The following SLX4IP variants were observed in gnomAD, a reference collection of about 807,000 sequenced individuals.
The protein encoded by SLX4IP is protein SLX4IP.
Under a neutral mutation model 32.9 loss-of-function variants are expected in SLX4IP, and 34 were observed. The ratio of observed to expected loss-of-function variants is 1.03; its 90% CI spans 0.79 to 1.38. The LOEUF (loss-of-function observed/expected upper bound fraction) is 1.38, where lower values mean the gene tolerates loss of function less well. Ranked by LOEUF, SLX4IP falls within the 40% of genes most tolerant of loss-of-function variation. The pLI, the probability that SLX4IP is intolerant of heterozygous loss-of-function variation, is 0.00. For synonymous variants in SLX4IP, 172 were observed against 171.7 expected, an observed-to-expected ratio of 1.00 and a Z score of -0.01; for missense variants, 444 against 479.0, an observed-to-expected ratio of 0.93 and a Z score of 0.68.
chr20:10,610,411 G>A (rs1433912076), intron 6 of SLX4IP, among the ~76,000 whole-genome samples: 1 of 152,212 alleles, frequency 6.6e-6, no homozygotes, highest in Non-Finnish European at 1.5e-5. Flanking sequence ...TCCCCTTAGA[G>A]ACCCGCCCTT....
chr20:10,516,702 G>A (rs1358574806), intron 2 of SLX4IP, among the ~76,000 whole-genome samples: 2 of 152,180 alleles, frequency 1.3e-5, no homozygotes, highest in Non-Finnish European at 2.9e-5. Flanking sequence ...TAATAAGTTT[G>A]CTGCTGTGAT....
chr20:10,558,315 A>G (rs2066289836), intron 3 of SLX4IP, among the ~76,000 whole-genome samples: 1 of 143,272 alleles, frequency 7.0e-6, no homozygotes, highest in South Asian at 2.4e-4. Flanking sequence ...GAACTCCACC[A>G]TGGGTGGCAG....
rs573845781 is a variant in SLX4IP at position 10,552,996 on chromosome 20, C to T, written c.28-3235C>T. Among the ~76,000 whole-genome samples the T allele has an allele frequency of 3.9e-5, 6 of 152,164 alleles. No individual in the cohort carries two copies. In the East Asian group the frequency reaches 7.7e-4, roughly 20 times the overall value. On this transcript the variant is annotated intron_variant, in intron 2 of 7. Transcript: ENST00000334534. ...TAAAATGTGTTGAGACATGTTTTAC[C>T]GCTTTGGAAGGGCTTTTATTCCAGA...
intron 2 of SLX4IP, among the ~76,000 whole-genome samples, chr20:10,526,625 C>T (rs899420214): frequency 1.3e-5 from 2 of 152,168 alleles, no homozygotes; most frequent in Non-Finnish European, 2.9e-5. Context: ...CAACAGAAAT[C>T]TATTCTCTCC....
chr20:10,457,443 G>T (rs1334384094), intron 1 of SLX4IP, among the ~76,000 whole-genome samples: 26 of 140,960 alleles, frequency 1.8e-4, no homozygotes, highest in Admixed American at 2.8e-4. Context: ...AGCATTTTGG[G>T]TTTTTTTTTT....
chr20:10,510,036 G>C (rs1056079076), intron 2 of SLX4IP, among the ~76,000 whole-genome samples: 1 of 152,074 alleles, frequency 6.6e-6, no homozygotes. Context: ...AACATTCTGT[G>C]TACAGAATTT....
chr20:10,450,943 G>A (rs1306283279), intron 1 of SLX4IP, among the ~76,000 whole-genome samples: 2 of 151,966 alleles, frequency 1.3e-5, no homozygotes, highest in African/African-American at 2.4e-5. Flanking sequence ...TAGTAGAGAC[G>A]GGGTTTCACC....
At chr20:10,436,348 A>T (rs183967664) in intron 1 of SLX4IP, among the ~76,000 whole-genome samples, 9 of 140,472 alleles carry the variant, frequency 6.4e-5, no homozygotes, top group Non-Finnish European at 1.3e-4. Flanking sequence ...CTAAAGATAC[A>T]GCCCTTTCTT....
chr20:10,498,633 T>C (rs1425424192), intron 2 of SLX4IP, among the ~76,000 whole-genome samples: 1 of 152,150 alleles, frequency 6.6e-6, no homozygotes, highest in Non-Finnish European at 1.5e-5. Flanking sequence ...CTGTATCATC[T>C]TGATGGGAGG....
At chr20:10,509,903 CCA>C (rs2065791643) in intron 2 of SLX4IP, among the ~76,000 whole-genome samples, 1 of 152,072 alleles carries the variant, frequency 6.6e-6, no homozygotes, top group African/African-American at 2.4e-5. Flanking sequence ...GCTTTGCTGC[CCA>C]GGCTGGCCTC....
At chr20:10,621,534 T>C in intron 7 of SLX4IP, 120 bp downstream of exon 7, 1 of 796,646 alleles carries the variant, frequency 1.3e-6, no homozygotes, top group Admixed American at 2.1e-5. Context: ...CTCCGTCACG[T>C]ACTTACTCTC....
chr20:10,463,809 T>C (rs2065358060), intron 2 of SLX4IP, among the ~76,000 whole-genome samples: 1 of 152,128 alleles, frequency 6.6e-6, no homozygotes, highest in Non-Finnish European at 1.5e-5. Context: ...AGAGATGGGG[T>C]CTTGCCCTGT....
intron 2 of SLX4IP, among the ~76,000 whole-genome samples, chr20:10,549,607 C>T (rs943119306): frequency 1.3e-5 from 2 of 152,322 alleles, no homozygotes; most frequent in East Asian, 3.9e-4. Flanking sequence ...AGTAGCCTTC[C>T]ACAGGGGTTA....
intron 4 of SLX4IP, among the ~76,000 whole-genome samples, chr20:10,568,181 C>T (rs1398511039): frequency 2.0e-5 from 3 of 152,210 alleles, no homozygotes; most frequent in Non-Finnish European, 4.4e-5. Flanking sequence ...CTTAGCATGA[C>T]AGCTAGAATA....
intron 2 of SLX4IP, among the ~76,000 whole-genome samples, chr20:10,488,073 TC>T (rs1555808359): frequency 3.6e-4 from 7 of 19,716 alleles, no homozygotes; most frequent in African/African-American, 1.3e-3. Flanking sequence ...AGACCTGGGT[TC>T]TCTCCCCAGG....
At chr20:10,599,028 A>T (rs1439005246) in intron 5 of SLX4IP, among the ~76,000 whole-genome samples, 1 of 152,198 alleles carries the variant, frequency 6.6e-6, no homozygotes, top group Non-Finnish European at 1.5e-5. Flanking sequence ...TTGAACTATG[A>T]ATCACTTCAG....
At chr20:10,440,704 A>G (rs2065154078) in intron 1 of SLX4IP, among the ~76,000 whole-genome samples, 1 of 152,104 alleles carries the variant, frequency 6.6e-6, no homozygotes, top group Non-Finnish European at 1.5e-5. Context: ...CCATCATAAC[A>G]GTTTTTGCTT....
chr20:10,504,423 G>A (rs752289649), intron 2 of SLX4IP, among the ~76,000 whole-genome samples: 5 of 152,070 alleles, frequency 3.3e-5, no homozygotes, highest in African/African-American at 4.8e-5. Context: ...CTACAGCAGG[G>A]GATGTAAAGA....
chr20:10,540,924 C>T lies in SLX4IP; in HGVS notation c.28-15307C>T, dbSNP rs934865287. Among the ~76,000 whole-genome samples the T allele has an allele frequency of 2.0e-5, 3 of 152,214 alleles. No individual in the cohort carries two copies. In the East Asian group the frequency reaches 5.8e-4, roughly 29 times the overall value. On this transcript the variant is annotated intron_variant, in intron 2 of 7. Transcript: ENST00000334534. Reference sequence around the variant, plus strand: ...TGAAGATTCCCTTTGAACTCTTACTCATTCTGTAGAAATTCTCTGTGATGA... The same window carrying T: ...TGAAGATTCCCTTTGAACTCTTACTTATTCTGTAGAAATTCTCTGTGATGA...
Sources: gnomAD v4.1 joint callset for allele counts (sites outside exome capture counted in the v4.1 genomes callset) on GRCh38, gnomAD v4.1.1 for gene constraint, MANE v1.5 for transcripts, NCBI Gene and HGNC (gene_info 2026-07-23, HGNC 2026-07-21) for gene names.